HERC4: variants seen among roughly 807,000 people sequenced by gnomAD.
The protein encoded by HERC4 is probable E3 ubiquitin-protein ligase HERC4.
In HERC4, 28 loss-of-function variants were observed where a neutral mutation model predicts 124.3. The ratio of observed to expected loss-of-function variants is 0.23; its 90% CI spans 0.17 to 0.31. The LOEUF (loss-of-function observed/expected upper bound fraction) is 0.31, where lower values mean the gene tolerates loss of function less well. Ranked by LOEUF, HERC4 falls within the 10% of genes least tolerant of loss-of-function variation. The pLI, the probability that HERC4 is intolerant of heterozygous loss-of-function variation, is 1.00. For missense variants in HERC4, 713 were observed against 1,229.3 expected, an observed-to-expected ratio of 0.58 and a Z score of 6.28; for synonymous variants, 407 against 421.5, an observed-to-expected ratio of 0.97 and a Z score of 0.42.
chr10:68,060,819 T>C (rs925055633), intron 3 of HERC4, among the ~76,000 whole-genome samples: 4 of 152,136 alleles, frequency 2.6e-5, no homozygotes, highest in African/African-American at 9.7e-5. Context: ...AGCTAAGCAA[T>C]ACTTGGATTA....
chr10:68,063,663 C>A (rs2041149029), intron 3 of HERC4, among the ~76,000 whole-genome samples: 1 of 152,134 alleles, frequency 6.6e-6, no homozygotes, highest in South Asian at 2.1e-4. Flanking sequence ...GTAGGTCAGG[C>A]GTGGTGGCTC....
chr10:67,993,778 TTTC>T (rs1184424143), intron 9 of HERC4: 7 of 152,206 alleles, frequency 4.6e-5, no homozygotes, highest in Non-Finnish European at 1.0e-4. Flanking sequence ...GCCTCTTTTT[TTTC>T]TTTTCTTCTG....
intron 3 of HERC4, among the ~76,000 whole-genome samples, chr10:68,059,529 T>TTATATATCATATTATATATCATAA (rs1564607342): frequency 8.2e-6 from 1 of 121,514 alleles, no homozygotes; most frequent in Non-Finnish European, 1.6e-5. Context: ...CATAATAATA[T>TTATATATCATATTATATATCATAA]TATATATCAT....
Position 67,922,760 on chromosome 10 carries a change from T to G in HERC4, c.*171A>C, listed in dbSNP as rs2030353563. On this transcript the variant is annotated 3_prime_UTR_variant, in exon 25 of 25. Coordinates refer to ENST00000373700, the MANE Select transcript of HERC4 (RefSeq NM_015601.4). ...TGGTTCTGTACAATAATATTAACAG[T>G]TTGTTCATTTTCCTTTAATATTTTT... The G allele has an allele frequency of 1.2e-5, 6 of 497,944 alleles. No homozygotes were observed. The South Asian group carries it at 1.7e-4, about 14-fold the overall frequency. 30.8% of individuals were successfully genotyped at this position (497,944 alleles called of 1,614,324 possible). A position where few individuals can be genotyped will look rare whatever the true frequency, so the allele number is the denominator to read the frequency against.
chr10:67,983,744 A>G lies in HERC4; in HGVS notation c.1806+4919T>C, dbSNP rs7080546. Among the ~76,000 whole-genome samples the G allele has an allele frequency of 4.2e-3, 615 of 147,166 alleles. 3 individuals are homozygous for G. Among genetic ancestry groups the G allele is most frequent in the African/African-American group, 0.015 (586 of 39,758 alleles). On this transcript the variant is annotated intron_variant, in intron 15 of 24. Coordinates refer to ENST00000373700, the MANE Select transcript of HERC4 (RefSeq NM_015601.4). ...GGAGCTTGCAGTGAGCCAAGATCGC[A>G]CCACTGCACTCCAGCCTGGGCAACA...
chr10:68,054,328 T>C (rs1299008634), intron 3 of HERC4, among the ~76,000 whole-genome samples: 2 of 151,966 alleles, frequency 1.3e-5, no homozygotes, highest in South Asian at 2.1e-4. Flanking sequence ...AACAACTGAA[T>C]GTGCAGTTGA....
chr10:67,992,103 C>G, intron 11 of HERC4, 96 bp downstream of exon 11: 1 of 1,170,736 alleles, frequency 8.5e-7, no homozygotes, highest in Non-Finnish European at 1.2e-6. Context: ...TGCCATGTTG[C>G]CCAGGCTGGT....
intron 15 of HERC4, among the ~76,000 whole-genome samples, chr10:67,967,589 A>T (rs2034964997): frequency 6.6e-6 from 1 of 152,216 alleles, no homozygotes; most frequent in Non-Finnish European, 1.5e-5. Flanking sequence ...TATTAATTAC[A>T]AAGATAAAAA....
Position 68,014,043 on chromosome 10 carries a change from T to G in HERC4, c.1052A>C (p.Gln351Pro). The G allele has an allele frequency of 1.2e-6, 2 of 1,609,862 alleles. No individual in the cohort carries two copies. Among genetic ancestry groups the G allele is most frequent in the Non-Finnish European group, 1.7e-6 (2 of 1,178,568 alleles). ...GAACTTACCAATATCTGGTAGACAC[T>G]GCCCATTATAGGGGTACCAATTTCC... ...VKGNWYPYNG[Q>P]CLPDIDSEEY... Residue 351 changes from glutamine to proline, a missense_variant, in exon 9 of 25, where the codon CAG becomes CCG. Coordinates refer to ENST00000373700, the MANE Select transcript of HERC4 (RefSeq NM_015601.4).
chr10:67,932,358 T>TTATA (rs979830020), intron 23 of HERC4, among the ~76,000 whole-genome samples: 12 of 152,096 alleles, frequency 7.9e-5, no homozygotes, highest in African/African-American at 2.7e-4. Flanking sequence ...AGTGCTGGGG[T>TTATA]TATAGGTGAG....
At chr10:67,997,974 T>TCACTG (rs1488369298) in intron 9 of HERC4, among the ~76,000 whole-genome samples, 1 of 152,092 alleles carries the variant, frequency 6.6e-6, no homozygotes, top group Admixed American at 6.5e-5. Context: ...TGATCTTGGC[T>TCACTG]CACTGCAACC....
At chr10:67,923,479 T>A (rs529054227) in intron 24 of HERC4, among the ~76,000 whole-genome samples, 1 of 152,320 alleles carries the variant, frequency 6.6e-6, no homozygotes, top group East Asian at 1.9e-4. Context: ...AAATGCAGTT[T>A]TGATTATGAT....
intron 16 of HERC4, among the ~76,000 whole-genome samples, chr10:67,958,548 A>T (rs1324842582): frequency 1.3e-5 from 2 of 152,212 alleles, no homozygotes; most frequent in African/African-American, 4.8e-5. Context: ...CCTGACATCT[A>T]TAACGGATAA....
In HERC4 at chr10:67,941,838, T is replaced by C. The variant is rs568009115; in HGVS notation, c.2338-733A>G. On this transcript the variant is annotated intron_variant, in intron 19 of 24. Coordinates refer to ENST00000373700, the MANE Select transcript of HERC4 (RefSeq NM_015601.4). The stretch of plus-strand genomic sequence containing the variant: ...GCCAGGCTAATTTTTGTATTTTTAG[T>C]AGAGACTGGGTTTCACCATATTGGT... Among the ~76,000 whole-genome samples, 343 of 152,184 alleles carry C rather than the reference T, an allele frequency of 2.3e-3. 1 individual carries two copies. Among genetic ancestry groups the C allele is most frequent in the Non-Finnish European group, 3.5e-3 (240 of 67,984 alleles).
At chr10:68,066,908 G>A (rs2041331687) in intron 3 of HERC4, among the ~76,000 whole-genome samples, 1 of 152,090 alleles carries the variant, frequency 6.6e-6, no homozygotes. Flanking sequence ...CAAATCGAAT[G>A]GCAGGGAAAC....
chr10:67,939,362 T>G (rs1398380375), intron 21 of HERC4, among the ~76,000 whole-genome samples: 1 of 152,166 alleles, frequency 6.6e-6, no homozygotes, highest in Non-Finnish European at 1.5e-5. Flanking sequence ...CTGTTTTCAG[T>G]GTTCTTCATC....
At chr10:68,043,981 T>TA (rs1484091257) in intron 4 of HERC4, among the ~76,000 whole-genome samples, 1 of 152,166 alleles carries the variant, frequency 6.6e-6, no homozygotes, top group East Asian at 1.9e-4. Context: ...CTTTTTACAG[T>TA]AAGCATGTTG....
At chr10:68,042,998 A>G (rs1450079286) in intron 4 of HERC4, among the ~76,000 whole-genome samples, 2 of 152,210 alleles carry the variant, frequency 1.3e-5, no homozygotes, top group African/African-American at 4.8e-5. Flanking sequence ...AAGATGTTGA[A>G]ACCAAAGAAC....
intron 3 of HERC4, chr10:68,069,269 A>G (rs2041452417): frequency 5.2e-6 from 5 of 959,342 alleles, no homozygotes; most frequent in Non-Finnish European, 6.2e-6. Context: ...GATTAAATAT[A>G]TTTGTTAGCT....
Sources: gnomAD v4.1 joint callset for allele counts (sites outside exome capture counted in the v4.1 genomes callset) on GRCh38, gnomAD v4.1.1 for gene constraint, MANE v1.5 for transcripts, NCBI Gene and HGNC (gene_info 2026-07-23, HGNC 2026-07-21) for gene names.